Variants in FANCC observed in about 807,000 individuals in gnomAD.
FANCC encodes FA complementation group C.
FANCC carries 55 observed loss-of-function variants against 71.3 expected under a neutral mutation model. The observed-to-expected ratio is 0.77, with a 90% CI of 0.62 to 0.97. The LOEUF (loss-of-function observed/expected upper bound fraction) is 0.97. Among genes scored for constraint, FANCC ranks in the 50% least tolerant of loss-of-function variants. FANCC has a pLI of 0.00. For missense variants in FANCC, 678 were observed against 670.9 expected, an observed-to-expected ratio of 1.01 and a Z score of -0.12; for synonymous variants, 275 against 244.9, an observed-to-expected ratio of 1.12 and a Z score of -1.15.
At chr9:95,105,424 A>G (rs982507292) in intron 14 of FANCC, among the ~76,000 whole-genome samples, 1 of 152,224 alleles carries the variant, frequency 6.6e-6, no homozygotes. Context: ...CTGTATGTAT[A>G]TGTCAACAAA....
At chr9:95,297,126 T>C (rs377619594) in intron 1 of FANCC, among the ~76,000 whole-genome samples, 10 of 152,162 alleles carry the variant, frequency 6.6e-5, no homozygotes, top group African/African-American at 2.4e-4. Context: ...CTGAACCATA[T>C]GTGGGGGCTC....
At chr9:95,254,184 T>C (rs1831518754) in intron 1 of FANCC, among the ~76,000 whole-genome samples, 2 of 152,376 alleles carry the variant, frequency 1.3e-5, no homozygotes, top group South Asian at 2.1e-4. Flanking sequence ...TGACTATCTA[T>C]CCACATTTTA....
At chr9:95,200,965 C>T (rs1022382990) in intron 4 of FANCC, among the ~76,000 whole-genome samples, 1 of 152,168 alleles carries the variant, frequency 6.6e-6, no homozygotes, top group Non-Finnish European at 1.5e-5. Context: ...AAGCACTCTC[C>T]AGAACACGTC....
At chr9:95,314,414 G>A (rs1835608686) in intron 1 of FANCC, among the ~76,000 whole-genome samples, 1 of 152,158 alleles carries the variant, frequency 6.6e-6, no homozygotes. Flanking sequence ...AGCACTTTGG[G>A]AGGCCGAGGC....
intron 1 of FANCC, chr9:95,292,632 G>A (rs562291843): frequency 7.1e-6 from 10 of 1,413,000 alleles, no homozygotes; most frequent in Admixed American, 3.3e-5. Context: ...CAACAGCCCC[G>A]CGCTCAACAT....
At chr9:95,166,732 T>C (rs931034571) in intron 6 of FANCC, among the ~76,000 whole-genome samples, 7 of 152,162 alleles carry the variant, frequency 4.6e-5, no homozygotes, top group African/African-American at 1.7e-4. Context: ...TGAACGTTTG[T>C]ATCTGTAAGT....
intron 13 of FANCC, 42 bp downstream of exon 13, chr9:95,111,421 C>A (rs527531665): frequency 2.5e-6 from 4 of 1,601,846 alleles, no homozygotes; most frequent in Non-Finnish European, 2.5e-6. Flanking sequence ...CTCAGCCCCC[C>A]AGAGCCCACC....
chr9:95,138,679 G>A (rs1828104031), intron 7 of FANCC, among the ~76,000 whole-genome samples: 1 of 152,214 alleles, frequency 6.6e-6, no homozygotes, highest in Non-Finnish European at 1.5e-5. Flanking sequence ...CTGGCCGAGA[G>A]CCATGGCACG....
rs1415268424 is a variant in FANCC, at chr9:95,249,284, T to G, written c.8A>C (p.Gln3Pro). The G allele has an allele frequency of 6.2e-7, 1 of 1,613,966 alleles. No individual in the cohort carries two copies. The highest frequency in any genetic ancestry group is 1.3e-5 in the African/African-American group (1 of 74,932). Residue 3 changes from glutamine (Q) to proline (P), a missense_variant, in exon 2 of 15, where the codon CAA (glutamine) becomes CCA (proline). Gln to Pro is a moderately conservative substitution (Grantham distance 76). Coordinates refer to ENST00000289081, the MANE Select transcript of FANCC (RefSeq NM_000136.3). ...ATCACAAGAAAGATCTACTGAATCT[T>G]GAGCCATCTTGGAAAAAGCGAAAAG... MA[Q>P]DSVDLSCDYQ...
chr9:95,304,837 T>C (rs1055893444), intron 1 of FANCC, among the ~76,000 whole-genome samples: 1 of 151,542 alleles, frequency 6.6e-6, no homozygotes, highest in Non-Finnish European at 1.5e-5. Flanking sequence ...GTGTCCTTTA[T>C]GCTGATGGAA....
chr9:95,118,796 A>T (rs2072642334), intron 10 of FANCC, among the ~76,000 whole-genome samples: 1 of 152,210 alleles, frequency 6.6e-6, no homozygotes, highest in Non-Finnish European at 1.5e-5. Context: ...AATATGCCAT[A>T]GTCTGTTTAG....
rs1247289800 is a variant in FANCC, at chr9:95,101,579, T to C, written c.*128A>G. 1.8e-6 allele frequency: 2 copies of C among 1,132,964 alleles called. No homozygotes were observed. Among genetic ancestry groups the C allele is most frequent in the Non-Finnish European group, 1.3e-6 (1 of 776,446 alleles). The allele number at this position is 1,132,964 out of a possible 1,614,324, so 70.2% of individuals were successfully genotyped here. A position where few individuals can be genotyped will look rare whatever the true frequency, so the allele number is the denominator to read the frequency against. ...TACTAGCAGATTGTCCCAAGATGTG[T>C]ACAGCTCATTCTCACAGCCCAGCGA... On this transcript the variant is annotated 3_prime_UTR_variant, in exon 15 of 15. Transcript: ENST00000289081.
intron 4 of FANCC, among the ~76,000 whole-genome samples, chr9:95,191,571 T>C (rs915861360): frequency 1.3e-5 from 2 of 152,022 alleles, no homozygotes; most frequent in Non-Finnish European, 2.9e-5. Context: ...CTCCAGATCA[T>C]ATATGCAACT....
In FANCC at chr9:95,172,088, A is replaced by T. The variant is rs756475781; in HGVS notation, c.405T>A (p.Thr135=). The change falls in exon 5 of 15, where the codon ACT becomes ACA. Residue 135 remains threonine (T), a synonymous_variant. Transcript: ENST00000289081. ...CTATAGGTGCATACCCAAGACCTTG[A>T]GTGAAAAGAGCAACTTCTTTATCAA... ...LRFDKEVALF[T]QGLGYAPIDY... is the part of the protein sequence containing the mutation. The T allele has an allele frequency of 6.2e-7, 1 of 1,613,400 alleles. No homozygotes were observed. The highest frequency in any genetic ancestry group is 8.5e-7 in the Non-Finnish European group (1 of 1,179,440).
At chr9:95,219,935 CAGA>C (rs1829129152) in intron 4 of FANCC, among the ~76,000 whole-genome samples, 1 of 152,158 alleles carries the variant, frequency 6.6e-6, no homozygotes, top group African/African-American at 2.4e-5. Context: ...AGGCAACCTA[CAGA>C]ATGGGAGAAA....
chr9:95,201,938 A>G (rs929735694), intron 4 of FANCC, among the ~76,000 whole-genome samples: 2 of 152,252 alleles, frequency 1.3e-5, no homozygotes, highest in African/African-American at 2.4e-5. Flanking sequence ...ATTACTTTCT[A>G]TAAGATACAC....
At chr9:95,266,779 A>C (rs1832406856) in intron 1 of FANCC, among the ~76,000 whole-genome samples, 1 of 152,198 alleles carries the variant, frequency 6.6e-6, no homozygotes, top group Non-Finnish European at 1.5e-5. Flanking sequence ...ACGGAGTTTA[A>C]GTAACTATAT....
At chr9:95,177,650 CTATTT>C (rs1468812101) in intron 4 of FANCC, among the ~76,000 whole-genome samples, 1 of 152,116 alleles carries the variant, frequency 6.6e-6, no homozygotes, top group Non-Finnish European at 1.5e-5. Flanking sequence ...ATAAGCTTTT[CTATTT>C]TAATTTTTTA....
chr9:95,300,601 C>T (rs768018289), intron 1 of FANCC, among the ~76,000 whole-genome samples: 3 of 152,280 alleles, frequency 2.0e-5, no homozygotes, highest in Non-Finnish European at 4.4e-5. Context: ...CAGGCAACTG[C>T]CACCACGCCT....
Sources: gnomAD v4.1 joint callset for allele counts (sites outside exome capture counted in the v4.1 genomes callset) on GRCh38, gnomAD v4.1.1 for gene constraint, MANE v1.5 for transcripts, NCBI Gene and HGNC (gene_info 2026-07-23, HGNC 2026-07-21) for gene names.